Variants in FAM3D observed in about 807,000 individuals in gnomAD.
FAM3D encodes the protein FAM3 metabolism regulating signaling molecule D.
FAM3D carries 26 observed loss-of-function variants against 29.8 expected under a neutral mutation model. That is an observed-to-expected ratio of 0.87 (90% confidence interval 0.64 to 1.21). FAM3D has a LOEUF of 1.21. Ranked by LOEUF, FAM3D falls within the 50% of genes most tolerant of loss-of-function variation. FAM3D has a pLI of 0.00. For synonymous variants in FAM3D, 115 were observed against 102.3 expected (o/e 1.12, Z -0.75); for missense variants, 253 against 290.9 (o/e 0.87, Z 0.95).
intron 3 of FAM3D, among the ~76,000 whole-genome samples, chr3:58,650,417 C>CAGAG (rs149308345): frequency 1.3e-5 from 2 of 151,016 alleles, no homozygotes; most frequent in Non-Finnish European, 3.0e-5. Context: ...GAGGGAGAGA[C>CAGAG]AGAGAGAGAG....
intron 1 of FAM3D, among the ~76,000 whole-genome samples, chr3:58,656,699 C>T (rs2066811998): frequency 6.6e-6 from 1 of 152,204 alleles, no homozygotes; most frequent in Non-Finnish European, 1.5e-5. Context: ...CCCCTGCCCA[C>T]CCCAGAGTCT....
chr3:58,654,775 G>T (rs2066742921), intron 2 of FAM3D, among the ~76,000 whole-genome samples: 1 of 152,164 alleles, frequency 6.6e-6, no homozygotes. Flanking sequence ...GGCCCGCCGG[G>T]TCCTGTGGGG....
intron 3 of FAM3D, among the ~76,000 whole-genome samples, chr3:58,649,811 G>A (rs2066582894): frequency 6.6e-6 from 1 of 152,174 alleles, no homozygotes. Flanking sequence ...GTATATGACT[G>A]CATGAGACAT....
At chr3:58,636,564 AG>A (rs2066178879) in intron 8 of FAM3D, 144 bp from the exon 9 acceptor site, 2 of 1,184,138 alleles carry the variant, frequency 1.7e-6, no homozygotes, top group African/African-American at 3.1e-5. Context: ...GGCTGCACTC[AG>A]GAAGGACAGG....
chr3:58,654,308 T>G (rs138292326), intron 2 of FAM3D, among the ~76,000 whole-genome samples: 1 of 152,346 alleles, frequency 6.6e-6, no homozygotes, highest in East Asian at 1.9e-4. Flanking sequence ...GCCCCTGAGC[T>G]TGTTGGCAGG....
At chr3:58,641,721 A>C (rs2066339591) in intron 6 of FAM3D, among the ~76,000 whole-genome samples, 1 of 152,194 alleles carries the variant, frequency 6.6e-6, no homozygotes, top group Non-Finnish European at 1.5e-5. Context: ...GATATTGAGC[A>C]TAGCTCCATC....
chr3:58,637,226 C>T lies in FAM3D; in HGVS notation c.374-1G>A, dbSNP rs529970383. 2 of 1,611,458 alleles carry T rather than the reference C, an allele frequency of 1.2e-6. No homozygotes were observed. The highest frequency in any genetic ancestry group is 2.2e-5 in the East Asian group (1 of 44,856). On this transcript the variant is annotated splice_acceptor_variant, in intron 7 of 9. Transcript: ENST00000358781. LOFTEE classifies it high-confidence loss of function. ...AGGAATTTCACTAGGTGCATAACAT[C>T]TGGGGGAGGAAGGAAAAGGTGCTGG...
intron 1 of FAM3D, among the ~76,000 whole-genome samples, chr3:58,664,236 A>G (rs1386734438): frequency 6.6e-6 from 1 of 152,230 alleles, no homozygotes; most frequent in Non-Finnish European, 1.5e-5. Context: ...ACTTGGCACC[A>G]TTCTATAGAC....
At chr3:58,637,916 C>T (rs1309574990) in intron 7 of FAM3D, among the ~76,000 whole-genome samples, 1 of 129,706 alleles carries the variant, frequency 7.7e-6, no homozygotes, top group African/African-American at 3.1e-5. Context: ...CAGAGTTTCT[C>T]TCTCGTTGCC....
chr3:58,655,184 A>T (rs959755), intron 2 of FAM3D, among the ~76,000 whole-genome samples: 1 of 152,134 alleles, frequency 6.6e-6, no homozygotes, highest in Admixed American at 6.5e-5. Context: ...ACAAAGGGGG[A>T]TACAGTATGA....
rs573447449 is a variant in FAM3D, at chr3:58,650,224, A to G, written c.122-886T>C. ...CTTTTTTGGGGGAACCCCCCCCAAC[A>G]CTTACACGCTTTCCATTTGGTTCTC... On this transcript the variant is annotated intron_variant, in intron 3 of 9. Coordinates refer to ENST00000358781, the MANE Select transcript of FAM3D (RefSeq NM_138805.3). Among the ~76,000 whole-genome samples, 323 of 152,214 alleles carry G rather than the reference A, an allele frequency of 2.1e-3. 10 individuals are homozygous for G. The South Asian group carries it at 0.065, about 31-fold the overall frequency.
At position 58,662,013 on chromosome 3, in the gene FAM3D, T is replaced by TG. The variant is rs544671641; in HGVS notation, c.-39+4562dup. 1.2e-3 allele frequency among the ~76,000 whole-genome samples: 183 copies of TG among 152,316 alleles called. 8 individuals are homozygous for TG. In the South Asian group the frequency reaches 0.037, roughly 31 times the overall value. On this transcript the variant is annotated intron_variant, in intron 1 of 9. Transcript: ENST00000358781. ...CCCTGCCCTCCAGTGTCTGAGGGGATGGGGGAAATCTCAGGATACTGGACA... is the reference window on the plus strand; with the variant it reads ...CCCTGCCCTCCAGTGTCTGAGGGGATGGGGGGAAATCTCAGGATACTGGACA...
intron 4 of FAM3D, among the ~76,000 whole-genome samples, chr3:58,647,649 G>A (rs2066518119): frequency 2.0e-5 from 3 of 152,220 alleles, no homozygotes; most frequent in African/African-American, 4.8e-5. Flanking sequence ...TCACAGTCAC[G>A]CTGCTGGATG....
intron 6 of FAM3D, 33 bp downstream of exon 6, chr3:58,643,629 T>C: frequency 6.2e-7 from 1 of 1,605,986 alleles, no homozygotes; most frequent in Non-Finnish European, 8.5e-7. Context: ...TGGTTCTGGG[T>C]GGGAACTGTC....
At chr3:58,661,690 C>G (rs1639275623) in intron 1 of FAM3D, among the ~76,000 whole-genome samples, 1 of 152,174 alleles carries the variant, frequency 6.6e-6, no homozygotes, top group Non-Finnish European at 1.5e-5. Context: ...CTCTCTCGGC[C>G]TCAGCTTCCT....
chr3:58,659,780 A>G (rs1316798536), intron 1 of FAM3D, among the ~76,000 whole-genome samples: 1 of 152,228 alleles, frequency 6.6e-6, no homozygotes, highest in East Asian at 1.9e-4. Flanking sequence ...TGCTCCCTCC[A>G]TCTAAATGAC....
At position 58,634,773 on chromosome 3, in the gene FAM3D, T is replaced by G. The variant is rs2066114774; in HGVS notation, c.586-405A>C. Among the ~76,000 whole-genome samples, 1 of 152,166 alleles carries G rather than the reference T, an allele frequency of 6.6e-6. No individual in the cohort carries two copies. The highest frequency in any genetic ancestry group is 6.5e-5 in the Admixed American group (1 of 15,276). On this transcript the variant is annotated intron_variant, in intron 9 of 9. Transcript: ENST00000358781. This position sits in a 1 kb window ranked among gnomAD's most constrained non-coding sequence, Gnocchi z 4.6. ...ATCTGCACAGTGGCCCTAGGGAGTG[T>G]GCACTGTTTACATCCCATTCTACAG...
intron 3 of FAM3D, among the ~76,000 whole-genome samples, chr3:58,650,480 A>G (rs2066605371): frequency 6.6e-6 from 1 of 152,144 alleles, no homozygotes. Flanking sequence ...GAGAGGAGCC[A>G]TCGTGCCTGC....
intron 6 of FAM3D, among the ~76,000 whole-genome samples, chr3:58,641,468 C>T (rs1000834799): frequency 3.3e-5 from 5 of 152,156 alleles, no homozygotes; most frequent in African/African-American, 4.8e-5. Flanking sequence ...TCAAGCAATC[C>T]TCCCACCTCA....
Sources: allele counts gnomAD v4.1 joint callset (sites outside exome capture counted in the v4.1 genomes callset), GRCh38; gene constraint gnomAD v4.1.1; non-coding constraint Gnocchi (gnomAD v3.1); transcripts MANE v1.5; gene names NCBI Gene and HGNC (gene_info 2026-07-23, HGNC 2026-07-21).